HDAC9: variants seen among roughly 807,000 people sequenced by gnomAD.
The protein encoded by HDAC9 is histone deacetylase 9, also known as MEF-2 interacting transcription repressor (MITR) protein.
A neutral mutation model predicts 139.4 loss-of-function variants in HDAC9; 41 were observed. The observed-to-expected ratio is 0.29, with a 90% CI of 0.23 to 0.38. The LOEUF (loss-of-function observed/expected upper bound fraction) is 0.38. HDAC9 is among the 10% of genes least tolerant of loss of function. The probability of loss-of-function intolerance (pLI) is 1.00; values close to 1 mark genes in which losing one functional copy is unlikely to be tolerated. For synonymous variants in HDAC9, 517 were observed against 476.2 expected, an observed-to-expected ratio of 1.09 and a Z score of -1.12; for missense variants, 1,147 against 1,297.0, an observed-to-expected ratio of 0.88 and a Z score of 1.78.
chr7:18,703,004 C>T (rs1783624816), intron 12 of HDAC9, among the ~76,000 whole-genome samples: 1 of 152,190 alleles, frequency 6.6e-6, no homozygotes, highest in South Asian at 2.1e-4. Context: ...GAATCCTAAA[C>T]ATTTTATTTG....
chr7:18,655,712 A>T (rs533833321), intron 11 of HDAC9, among the ~76,000 whole-genome samples: 1 of 152,318 alleles, frequency 6.6e-6, no homozygotes, highest in East Asian at 1.9e-4. Context: ...CATAACTTGG[A>T]GACCAAGGGA....
intron 17 of HDAC9, among the ~76,000 whole-genome samples, chr7:18,799,992 G>GA (rs931384708): frequency 6.6e-6 from 1 of 151,968 alleles, no homozygotes; most frequent in African/African-American, 2.4e-5. Flanking sequence ...CCAATGATGA[G>GA]AAAAAAATCT....
chr7:18,596,492 A>G (rs1562509741), intron 6 of HDAC9, among the ~76,000 whole-genome samples: 1 of 152,142 alleles, frequency 6.6e-6, no homozygotes, highest in Admixed American at 6.6e-5. Flanking sequence ...GTTGTCAAAT[A>G]ATTTTTACTT....
intron 1 of HDAC9, among the ~76,000 whole-genome samples, chr7:18,125,186 C>A (rs1009969025): frequency 6.6e-6 from 1 of 152,066 alleles, no homozygotes; most frequent in Non-Finnish European, 1.5e-5. Context: ...GGTACCCCCC[C>A]ATCTTTTACC....
chr7:18,773,081 A>T (rs966052062), intron 16 of HDAC9, among the ~76,000 whole-genome samples: 1 of 152,064 alleles, frequency 6.6e-6, no homozygotes, highest in Non-Finnish European at 1.5e-5. Flanking sequence ...AAAGAAGAAA[A>T]TGAGAGAAGA....
chr7:18,836,005 C>G lies in HDAC9; in HGVS notation c.2684+8C>G. ...GTACCTTGAAGCATTCAGGTTGGTA[C>G]TTCTTTCTCTCTGAAAGTGGCAAAT... is the stretch of plus-strand genomic sequence containing the variant. On this transcript the variant is annotated splice_region_variant and intron_variant, in intron 21 of 25. Coordinates refer to ENST00000686413, the MANE Select transcript of HDAC9 (RefSeq NM_178425.4). 1.3e-6 allele frequency: 2 copies of G among 1,498,896 alleles called. No homozygotes were observed. Among genetic ancestry groups the G allele is most frequent in the Non-Finnish European group, 9.0e-7 (1 of 1,106,532 alleles). 92.8% of individuals were successfully genotyped at this position (1,498,896 alleles called of 1,614,324 possible).
At chr7:18,662,144 G>T (rs1483345146) in intron 11 of HDAC9, among the ~76,000 whole-genome samples, 1 of 152,056 alleles carries the variant, frequency 6.6e-6, no homozygotes, top group Non-Finnish European at 1.5e-5. Context: ...GGCTGCAGTG[G>T]TAATACCAGT....
chr7:18,581,164 T>A (rs1397895430), intron 2 of HDAC9, among the ~76,000 whole-genome samples: 1 of 152,156 alleles, frequency 6.6e-6, no homozygotes, highest in Admixed American at 6.6e-5. Flanking sequence ...TATTCATGCC[T>A]TTGCTCTCCT....
chr7:18,157,734 A>T (rs908890851), intron 1 of HDAC9, among the ~76,000 whole-genome samples: 1 of 151,158 alleles, frequency 6.6e-6, no homozygotes, highest in African/African-American at 2.4e-5. Flanking sequence ...ATTGAACACA[A>T]TGTTAAGAGC....
At chr7:18,105,622 A>G (rs1783141384) in intron 1 of HDAC9, among the ~76,000 whole-genome samples, 2 of 150,778 alleles carry the variant, frequency 1.3e-5, no homozygotes, top group South Asian at 4.2e-4. Flanking sequence ...CTAGATGTAG[A>G]TTTCAAACTC....
chr7:18,165,764 A>AT (rs370747617), intron 2 of HDAC9, among the ~76,000 whole-genome samples: 42 of 151,622 alleles, frequency 2.8e-4, no homozygotes, highest in African/African-American at 1.0e-3. Context: ...ACTGCACTGC[A>AT]TTCTAGCCTG....
In HDAC9 at chr7:18,162,438, A is replaced by C. The variant is rs1457194408; in HGVS notation, c.25+89A>C. 3.9e-6 allele frequency: 5 copies of C among 1,295,064 alleles called. No homozygotes were observed. In the African/African-American group the frequency reaches 7.5e-5, roughly 19 times the overall value. 80.2% of individuals were successfully genotyped at this position (1,295,064 alleles called of 1,614,324 possible). A position where few individuals can be genotyped will look rare whatever the true frequency, so the allele number is the denominator to read the frequency against. ...TTCAAACCAAGTAATTTAATTTATG[A>C]AGGAACTTTTTTTTTTTTGGACAAA... On this transcript the variant is annotated intron_variant, in intron 2 of 12. Coordinates refer to the HDAC9 transcript ENST00000417496.
At chr7:18,559,751 A>T (rs775637068) in intron 2 of HDAC9, among the ~76,000 whole-genome samples, 19 of 152,224 alleles carry the variant, frequency 1.2e-4, no homozygotes, top group Non-Finnish European at 2.6e-4. Flanking sequence ...ATAATTATTT[A>T]GTAACAGCTT....
At chr7:18,365,337 A>C (rs995753852) in intron 1 of HDAC9, among the ~76,000 whole-genome samples, 16 of 152,110 alleles carry the variant, frequency 1.1e-4, no homozygotes, top group African/African-American at 3.9e-4. Flanking sequence ...TCTGAGGCCA[A>C]CATAATATTA....
At chr7:18,412,536 C>G (rs1001096178) in intron 1 of HDAC9, among the ~76,000 whole-genome samples, 5 of 152,128 alleles carry the variant, frequency 3.3e-5, no homozygotes, top group African/African-American at 7.2e-5. Flanking sequence ...CCATAGGAAT[C>G]CTATGATGAA....
At chr7:18,259,973 A>G (rs746695519) in intron 2 of HDAC9, among the ~76,000 whole-genome samples, 1 of 152,144 alleles carries the variant, frequency 6.6e-6, no homozygotes, top group South Asian at 2.1e-4. Flanking sequence ...TCATACTGAT[A>G]TGTATATTTG....
rs563918224 is a variant in HDAC9 at position 19,001,656 on chromosome 7, T to A, written c.*5594T>A. The A allele has an allele frequency of 1.6e-4, 25 of 152,188 alleles. No individual in the cohort carries two copies. Among genetic ancestry groups the A allele is most frequent in the African/African-American group, 5.8e-4 (24 of 41,568 alleles). The allele number at this position is 152,188 out of a possible 1,614,324, so 9.4% of individuals were successfully genotyped here. On this transcript the variant is annotated 3_prime_UTR_variant, in exon 26 of 26. Coordinates refer to ENST00000686413, the MANE Select transcript of HDAC9 (RefSeq NM_178425.4). The stretch of plus-strand genomic sequence containing the variant: ...GATAAAACTCCCGATTTGTTCTTCC[T>A]ACACTTTAATAGTCTCAAATTCTTT...
At chr7:18,763,207 C>G (rs1789537598) in intron 15 of HDAC9, among the ~76,000 whole-genome samples, 1 of 152,024 alleles carries the variant, frequency 6.6e-6, no homozygotes, top group Non-Finnish European at 1.5e-5. Flanking sequence ...AATTTGAAAG[C>G]AAGTAGATAA....
intron 12 of HDAC9, among the ~76,000 whole-genome samples, chr7:18,707,854 A>AGTGTGTGTGTGT (rs61496259): frequency 0.012 from 1,812 of 149,636 alleles, 10 homozygotes; most frequent in African/African-American, 0.014. Context: ...AGGGGAAAGG[A>AGTGTGTGTGTGT]GTGTGTGTGT....
Sources: allele counts gnomAD v4.1 joint callset (sites outside exome capture counted in the v4.1 genomes callset), GRCh38; gene constraint gnomAD v4.1.1; transcripts MANE v1.5; gene names NCBI Gene and HGNC (gene_info 2026-07-23, HGNC 2026-07-21).